The following TSPAN11 variants were observed in gnomAD, a reference collection of about 807,000 sequenced individuals.
TSPAN11 encodes the protein tetraspanin 11, also known as tetraspanin-11.
TSPAN11 carries 29 observed loss-of-function variants against 32.9 expected under a neutral mutation model. That is an observed-to-expected ratio of 0.88 (90% confidence interval 0.66 to 1.20). TSPAN11 has a LOEUF of 1.20. TSPAN11 is among the 50% of genes most tolerant of loss of function. The pLI, the probability that TSPAN11 is intolerant of heterozygous loss-of-function variation, is 0.00. For synonymous variants in TSPAN11, 140 were observed against 141.3 expected, an observed-to-expected ratio of 0.99 and a Z score of 0.07; for missense variants, 283 against 329.1, an observed-to-expected ratio of 0.86 and a Z score of 1.08.
At chr12:31,009,589 C>T in the TSPAN11 span, among the ~76,000 whole-genome samples, 1 of 152,124 alleles carries the variant, frequency 6.6e-6, no homozygotes, top group Non-Finnish European at 1.5e-5. Context: ...AGAAGTGCCA[C>T]CCCACCTTGG....
chr12:30,979,411 T>C (rs1939041024), intron 4 of TSPAN11, among the ~76,000 whole-genome samples, 155 bp from the exon 5 acceptor site: 1 of 151,582 alleles, frequency 6.6e-6, no homozygotes, highest in African/African-American at 2.4e-5. Flanking sequence ...TGTCTCTGGC[T>C]GATGGTCCCT....
intron 1 of TSPAN11, among the ~76,000 whole-genome samples, chr12:30,940,500 G>A (rs1938138183): frequency 6.6e-6 from 1 of 152,172 alleles, no homozygotes; most frequent in Admixed American, 6.5e-5. Context: ...CATAGAGTGT[G>A]GAGGGAATCC....
the TSPAN11 span, among the ~76,000 whole-genome samples, chr12:31,004,432 AC>A: frequency 4.1e-4 from 63 of 152,244 alleles, no homozygotes; most frequent in African/African-American, 1.5e-3. Context: ...ATGTCGATGA[AC>A]CCTGGGAAGG....
chr12:30,964,853 G>A (rs983143397), intron 3 of TSPAN11, among the ~76,000 whole-genome samples: 4 of 152,196 alleles, frequency 2.6e-5, no homozygotes, highest in Non-Finnish European at 4.4e-5. Context: ...AATTAGGCTC[G>A]TGTGTTAAAA....
the TSPAN11 span, among the ~76,000 whole-genome samples, chr12:31,014,536 G>T: frequency 6.6e-6 from 1 of 152,066 alleles, no homozygotes; most frequent in Non-Finnish European, 1.5e-5. Flanking sequence ...TGACTATAGG[G>T]CTTTTGTTAT....
chr12:31,013,742 T>C, the TSPAN11 span, among the ~76,000 whole-genome samples: 1 of 152,002 alleles, frequency 6.6e-6, no homozygotes, highest in African/African-American at 2.4e-5. Context: ...AAAAGAATGA[T>C]AAAGAGAGGC....
At chr12:30,982,835 T>C in intron 6 of TSPAN11, 145 bp downstream of exon 6, 3 of 1,288,468 alleles carry the variant, frequency 2.3e-6, no homozygotes, top group Non-Finnish European at 3.2e-6. Flanking sequence ...TGTCTGGGGC[T>C]TTCCAGAGTC....
Position 30,982,542 on chromosome 12 carries a change from G to A in TSPAN11, c.467G>A (p.Cys156Tyr). The change falls in exon 6 of 8, where the codon TGT (cysteine) becomes TAT (tyrosine). Residue 156 changes from cysteine (C) to tyrosine (Y), a missense_variant. Transcript: ENST00000546076. ...TGCCTCTGCCTCCAGTTCAAGTGCT[G>A]TGGAAGCAACAGCTCAGCCGACTGG... ...VDRLQQDFKC[C>Y]GSNSSADWQH... The A allele has an allele frequency of 6.2e-7, 1 of 1,607,876 alleles. No homozygotes were observed. Among genetic ancestry groups the A allele is most frequent in the Non-Finnish European group, 8.5e-7 (1 of 1,175,432 alleles).
At chr12:30,984,617 G>A (rs571523554) in intron 7 of TSPAN11, among the ~76,000 whole-genome samples, 1 of 141,334 alleles carries the variant, frequency 7.1e-6, no homozygotes, top group African/African-American at 2.8e-5. Flanking sequence ...GGAGTGCAGT[G>A]GTGCCACCTC....
intron 7 of TSPAN11, 128 bp from the exon 8 acceptor site, chr12:30,991,728 A>G: frequency 1.1e-6 from 1 of 935,316 alleles, no homozygotes; most frequent in South Asian, 1.4e-5. Context: ...AGCAGTTTTG[A>G]GCAGGAATCT....
At chr12:30,972,769 G>A (rs765642654) in intron 3 of TSPAN11, among the ~76,000 whole-genome samples, 49 of 150,926 alleles carry the variant, frequency 3.2e-4, no homozygotes, top group Non-Finnish European at 6.3e-4. Flanking sequence ...AGTTGCTCTC[G>A]TGCCATTCTT....
chr12:30,974,633 C>T (rs891034980), intron 3 of TSPAN11, among the ~76,000 whole-genome samples: 1 of 152,208 alleles, frequency 6.6e-6, no homozygotes, highest in Non-Finnish European at 1.5e-5. Context: ...TGTCTAGACC[C>T]AGCACCATAC....
At chr12:30,939,730 A>G (rs1478216975) in intron 1 of TSPAN11, among the ~76,000 whole-genome samples, 1 of 152,138 alleles carries the variant, frequency 6.6e-6, no homozygotes, top group Non-Finnish European at 1.5e-5. Flanking sequence ...GCGAAGGGTT[A>G]GGAGAAGTGA....
At chr12:30,957,861 T>C (rs142645814) in intron 2 of TSPAN11, among the ~76,000 whole-genome samples, 3,142 of 30,292 alleles carry the variant, frequency 0.1, 602 homozygotes, top group African/African-American at 0.28. Flanking sequence ...CCTTCCTTCC[T>C]TCCCTCCCTC....
downstream of TSPAN11, among the ~76,000 whole-genome samples, chr12:31,000,398 T>C (rs1401530828): frequency 6.6e-6 from 1 of 152,220 alleles, no homozygotes; most frequent in Non-Finnish European, 1.5e-5. Flanking sequence ...TGATTTTAAT[T>C]TTTTAGGGAC....
intron 1 of TSPAN11, among the ~76,000 whole-genome samples, chr12:30,933,766 T>A (rs1477530911): frequency 6.6e-6 from 1 of 152,076 alleles, no homozygotes; most frequent in African/African-American, 2.4e-5. Flanking sequence ...GACAGCAGTG[T>A]TGTTGAGGCC....
chr12:31,010,562 C>T, the TSPAN11 span, among the ~76,000 whole-genome samples: 4 of 152,060 alleles, frequency 2.6e-5, no homozygotes, highest in African/African-American at 9.7e-5. Flanking sequence ...GAGGCTGAGG[C>T]AGGAGGATCA....
At chr12:31,003,767 C>G in the TSPAN11 span, among the ~76,000 whole-genome samples, 1 of 151,638 alleles carries the variant, frequency 6.6e-6, no homozygotes, top group African/African-American at 2.4e-5. Flanking sequence ...GGCCAGAGGA[C>G]TAGGGAAGGG....
At position 30,953,219 on chromosome 12, in the gene TSPAN11, C is replaced by T. The variant is rs182105006; in HGVS notation, c.-11-762C>T. Among the ~76,000 whole-genome samples, 8 of 152,314 alleles carry T rather than the reference C, an allele frequency of 5.3e-5. No homozygotes were observed. The South Asian group carries it at 1.5e-3, about 28-fold the overall frequency. On this transcript the variant is annotated intron_variant, in intron 1 of 7. Transcript: ENST00000546076. ...TTGAACACTTATTACATGCCAAGGA[C>T]TATGTTAAACACTTCACATAGATTA...
Sources: gnomAD v4.1 joint callset for allele counts (sites outside exome capture counted in the v4.1 genomes callset) on GRCh38, gnomAD v4.1.1 for gene constraint, MANE v1.5 for transcripts, NCBI Gene and HGNC (gene_info 2026-07-23, HGNC 2026-07-21) for gene names.